RAPGEF6: variants seen among roughly 807,000 people sequenced by gnomAD.
RAPGEF6 encodes the protein Rap guanine nucleotide exchange factor 6, also known as PDZ domain containing guanine nucleotide exchange factor (GEF) 2.
RAPGEF6 carries 56 observed loss-of-function variants against 171.4 expected under a neutral mutation model. That is an observed-to-expected ratio of 0.33 (90% CI 0.26 to 0.41). The LOEUF is 0.41. Among genes scored for constraint, RAPGEF6 ranks in the 10% least tolerant of loss-of-function variants. RAPGEF6 has a pLI of 1.00. For missense variants in RAPGEF6, 1,674 were observed against 1,921.4 expected, an observed-to-expected ratio of 0.87 and a Z score of 2.41; for synonymous variants, 692 against 650.1, an observed-to-expected ratio of 1.06 and a Z score of -0.98.
At chr5:131,466,664 C>T (rs980091914) in intron 17 of RAPGEF6, among the ~76,000 whole-genome samples, 13 of 152,206 alleles carry the variant, frequency 8.5e-5, no homozygotes, top group African/African-American at 3.1e-4. Context: ...CAAGATGTGA[C>T]TTGCTCCTCC....
At chr5:131,620,567 A>G (rs1382518920) in intron 1 of RAPGEF6, among the ~76,000 whole-genome samples, 1 of 151,950 alleles carries the variant, frequency 6.6e-6, no homozygotes, top group East Asian at 1.9e-4. Flanking sequence ...AAATAACTGG[A>G]TTCTAAAATC....
intron 26 of RAPGEF6, among the ~76,000 whole-genome samples, chr5:131,430,080 A>G (rs1287186166): frequency 1.3e-5 from 2 of 151,900 alleles, no homozygotes; most frequent in African/African-American, 4.8e-5. Context: ...GAAAAAAATG[A>G]ATGAGCTAAA....
chr5:131,510,327 A>G lies in RAPGEF6; in HGVS notation c.792T>C (p.Thr264=). 6.2e-7 allele frequency: 1 copy of G among 1,612,978 alleles called. No homozygotes were observed. The highest frequency in any genetic ancestry group is 8.5e-7 in the Non-Finnish European group (1 of 1,179,700). ...TATATTTCTTACCAATGTCATCATC[A>G]GTTTTGTCTGCAGGTTCTTTTTCAA... is the stretch of plus-strand genomic sequence containing the variant. ...ECLEKEPADK[T]DDDIEQLLEF... Residue 264 remains threonine, a synonymous_variant, in exon 8 of 28, where the codon ACT becomes ACC. Transcript: ENST00000509018.
intron 6 of RAPGEF6, among the ~76,000 whole-genome samples, chr5:131,525,416 C>A (rs1325783337): frequency 2.0e-5 from 3 of 151,964 alleles, no homozygotes; most frequent in African/African-American, 7.2e-5. Flanking sequence ...ATTGAAATAG[C>A]CCATAAATCC....
At chr5:131,485,607 G>A (rs886557298) in intron 15 of RAPGEF6, among the ~76,000 whole-genome samples, 1 of 152,120 alleles carries the variant, frequency 6.6e-6, no homozygotes, top group African/African-American at 2.4e-5. Context: ...GGGCATACTA[G>A]AATTAAAATA....
At chr5:131,468,957 C>A (rs1001364830) in intron 17 of RAPGEF6, among the ~76,000 whole-genome samples, 1 of 152,096 alleles carries the variant, frequency 6.6e-6, no homozygotes, top group Non-Finnish European at 1.5e-5. Context: ...AAAACAAATT[C>A]TCACAAAATA....
intron 4 of RAPGEF6, among the ~76,000 whole-genome samples, chr5:131,566,092 A>G (rs182947890): frequency 1.3e-5 from 2 of 151,862 alleles, no homozygotes; most frequent in Non-Finnish European, 2.9e-5. Context: ...GGCTGCAGTG[A>G]GCCATGAGCA....
chr5:131,551,486 T>G (rs1760922148), intron 5 of RAPGEF6, among the ~76,000 whole-genome samples: 1 of 139,934 alleles, frequency 7.1e-6, no homozygotes, highest in African/African-American at 2.8e-5. Context: ...CACTCTAGTC[T>G]GGGCGACAGA....
intron 4 of RAPGEF6, among the ~76,000 whole-genome samples, chr5:131,573,974 A>G (rs1580602423): frequency 6.6e-6 from 1 of 152,304 alleles, no homozygotes; most frequent in South Asian, 2.1e-4. Flanking sequence ...CAAGGTGTTC[A>G]ATAACAGAGA....
At chr5:131,547,504 CTTACTTTTTTTTTTTTTTT>C (rs373467717) in intron 6 of RAPGEF6, among the ~76,000 whole-genome samples, 49 of 146,602 alleles carry the variant, frequency 3.3e-4, no homozygotes, top group African/African-American at 1.2e-3. Flanking sequence ...GAAGACACAG[CTTACTTTTTTTTTTTTTTT>C]TTGGCAACAG....
intron 11 of RAPGEF6, among the ~76,000 whole-genome samples, chr5:131,501,538 C>T (rs560991813): frequency 3.3e-5 from 5 of 151,912 alleles, no homozygotes; most frequent in African/African-American, 1.2e-4. Context: ...AATTTATGTT[C>T]AAGTATTTTT....
chr5:131,625,097 A>G (rs1765826477), intron 1 of RAPGEF6, among the ~76,000 whole-genome samples: 1 of 152,064 alleles, frequency 6.6e-6, no homozygotes, highest in Admixed American at 6.5e-5. Flanking sequence ...CTCTGTCTCT[A>G]CTAAAAATAC....
chr5:131,557,230 T>C (rs950345391), intron 5 of RAPGEF6, among the ~76,000 whole-genome samples: 7 of 136,924 alleles, frequency 5.1e-5, no homozygotes, highest in Non-Finnish European at 9.4e-5. Flanking sequence ...ATCTTAAAAA[T>C]ATTGTCTCAA....
At chr5:131,573,380 T>C (rs902196539) in intron 4 of RAPGEF6, among the ~76,000 whole-genome samples, 1 of 152,128 alleles carries the variant, frequency 6.6e-6, no homozygotes, top group Admixed American at 6.5e-5. Flanking sequence ...AGCCAGCGTT[T>C]AGGGTCTTTC....
intron 16 of RAPGEF6, among the ~76,000 whole-genome samples, chr5:131,477,771 C>G (rs142507658): frequency 6.6e-6 from 1 of 152,032 alleles, no homozygotes; most frequent in Non-Finnish European, 1.5e-5. Flanking sequence ...CAAAATGAGA[C>G]GCAGTTAATG....
At chr5:131,605,763 G>A (rs1463045546) in intron 1 of RAPGEF6, among the ~76,000 whole-genome samples, 3 of 152,098 alleles carry the variant, frequency 2.0e-5, no homozygotes, top group African/African-American at 7.2e-5. Flanking sequence ...GGTCACGGTG[G>A]CTCACGCCTG....
intron 5 of RAPGEF6, among the ~76,000 whole-genome samples, chr5:131,555,619 A>G (rs149492035): frequency 0.016 from 2,362 of 152,100 alleles, 17 homozygotes; most frequent in Middle Eastern, 0.024. Context: ...AGAATTTTTC[A>G]TAATATACAC....
At chr5:131,597,759 C>T (rs1212284058) in intron 3 of RAPGEF6, among the ~76,000 whole-genome samples, 1 of 151,792 alleles carries the variant, frequency 6.6e-6, no homozygotes, top group Non-Finnish European at 1.5e-5. Context: ...AAAGTTACAA[C>T]AAAATAAGAA....
chr5:131,445,493 C>CTGTGTGTGTGTGTGTGTG (rs11269268), intron 22 of RAPGEF6, among the ~76,000 whole-genome samples: 21,873 of 147,034 alleles, frequency 0.15, 1,828 homozygotes, highest in East Asian at 0.36. Flanking sequence ...AACTCACTCT[C>CTGTGTGTGTGTGTGTGTG]TGTGTGTGTG....
Sources: gnomAD v4.1 joint callset for allele counts (sites outside exome capture counted in the v4.1 genomes callset) on GRCh38, gnomAD v4.1.1 for gene constraint, MANE v1.5 for transcripts, NCBI Gene and HGNC (gene_info 2026-07-23, HGNC 2026-07-21) for gene names.